The following CPEB1 variants were observed in gnomAD, a reference collection of about 807,000 sequenced individuals.
The protein encoded by CPEB1 is cytoplasmic polyadenylation element binding protein 1, also known as cytoplasmic polyadenylation element-binding protein 1.
A neutral mutation model predicts 65.8 loss-of-function variants in CPEB1; 7 were observed. The ratio of observed to expected loss-of-function variants is 0.11; its 90% CI spans 0.06 to 0.20. The LOEUF is 0.20. Ranked by LOEUF, CPEB1 falls within the 10% of genes least tolerant of loss-of-function variation. CPEB1 has a pLI of 1.00. For missense variants in CPEB1, 551 were observed against 712.2 expected (o/e 0.77, Z 2.58); for synonymous variants, 262 against 260.0 (o/e 1.01, Z -0.08).
chr15:82,644,793 A>C (rs2047368554), intron 1 of CPEB1, among the ~76,000 whole-genome samples: 1 of 152,206 alleles, frequency 6.6e-6, no homozygotes, highest in African/African-American at 2.4e-5. Flanking sequence ...CATTTTAAAG[A>C]CTAAGAATAA....
intron 3 of CPEB1, among the ~76,000 whole-genome samples, chr15:82,609,316 T>C (rs1018887120): frequency 3.3e-5 from 5 of 151,892 alleles, no homozygotes; most frequent in East Asian, 3.9e-4. Flanking sequence ...CCAGGCAACA[T>C]AGTGAGAGAC....
intron 10 of CPEB1, 32 bp downstream of exon 10, chr15:82,549,428 C>T: frequency 6.2e-7 from 1 of 1,613,600 alleles, no homozygotes; most frequent in South Asian, 1.1e-5. Context: ...AGGGGCCAAC[C>T]AAGCTTTCGC....
At chr15:82,574,634 T>C (rs1049049757) in intron 3 of CPEB1, among the ~76,000 whole-genome samples, 4 of 147,486 alleles carry the variant, frequency 2.7e-5, no homozygotes, top group South Asian at 4.2e-4. Context: ...GGCAGGAGAA[T>C]TGCTTGAGCC....
chr15:82,588,830 AAAC>A (rs1487075123), intron 3 of CPEB1, among the ~76,000 whole-genome samples: 1 of 152,208 alleles, frequency 6.6e-6, no homozygotes, highest in African/African-American at 2.4e-5. Context: ...CCTGACAGGT[AAAC>A]AATAGAACCC....
chr15:82,574,190 G>C (rs567225465), intron 3 of CPEB1, among the ~76,000 whole-genome samples: 1 of 152,170 alleles, frequency 6.6e-6, no homozygotes, highest in East Asian at 1.9e-4. Context: ...TCAATCTGTT[G>C]TTTCTTCTAG....
chr15:82,607,728 CTAGAGA>C (rs1567218066), intron 3 of CPEB1, among the ~76,000 whole-genome samples: 2 of 152,046 alleles, frequency 1.3e-5, no homozygotes, highest in Admixed American at 6.6e-5. Flanking sequence ...AAAATTGTTA[CTAGAGA>C]TAAAGGAGGA....
At chr15:82,574,751 A>AAAAAAAG (rs2040471400) in intron 3 of CPEB1, among the ~76,000 whole-genome samples, 2 of 144,594 alleles carry the variant, frequency 1.4e-5, no homozygotes, top group African/African-American at 5.1e-5. Context: ...AAAAAAAAAA[A>AAAAAAAG]TCATAAACCA....
chr15:82,588,497 TAAAGA>T (rs781022313), intron 3 of CPEB1, among the ~76,000 whole-genome samples: 83 of 152,306 alleles, frequency 5.4e-4, no homozygotes, highest in Middle Eastern at 3.4e-3. Flanking sequence ...CATATCTGTA[TAAAGA>T]AATCAGCTTC....
At chr15:82,577,477 A>C (rs2040789671) in intron 3 of CPEB1, among the ~76,000 whole-genome samples, 1 of 152,208 alleles carries the variant, frequency 6.6e-6, no homozygotes, top group Admixed American at 6.5e-5. Flanking sequence ...GGTGTGTCTA[A>C]GTGAAGGACA....
chr15:82,644,775 T>C (rs2047367439), intron 1 of CPEB1, among the ~76,000 whole-genome samples: 2 of 152,220 alleles, frequency 1.3e-5, no homozygotes, highest in South Asian at 2.1e-4. Context: ...GGGTTTGAGT[T>C]TGCAACCCAT....
At chr15:82,547,358 G>A (rs572060484) in intron 10 of CPEB1, 121 bp from the exon 11 acceptor site, 37 of 588,472 alleles carry the variant, frequency 6.3e-5, no homozygotes, top group Non-Finnish European at 4.1e-5. Context: ...GTGCAGTGGC[G>A]CAATCTCTGC....
intron 3 of CPEB1, among the ~76,000 whole-genome samples, chr15:82,578,566 C>A (rs1167792802): frequency 6.6e-6 from 1 of 152,024 alleles, no homozygotes; most frequent in Non-Finnish European, 1.5e-5. Context: ...GAGCTCGAGA[C>A]CAGACATGGC....
At chr15:82,611,311 AATT>A (rs1285300640) in intron 3 of CPEB1, among the ~76,000 whole-genome samples, 3 of 151,970 alleles carry the variant, frequency 2.0e-5, no homozygotes, top group Non-Finnish European at 2.9e-5. Context: ...CTGAAAATAA[AATT>A]AACAGTTTGA....
chr15:82,549,826 C>T (rs376292362), intron 9 of CPEB1, among the ~76,000 whole-genome samples, 168 bp from the exon 10 acceptor site: 11 of 152,288 alleles, frequency 7.2e-5, no homozygotes, highest in African/African-American at 2.6e-4. Context: ...AATAAACCAC[C>T]CTGACTCCAC....
At chr15:82,637,666 T>C (rs1013254510) in intron 1 of CPEB1, among the ~76,000 whole-genome samples, 3 of 152,180 alleles carry the variant, frequency 2.0e-5, no homozygotes, top group African/African-American at 7.2e-5. Context: ...CCTTATCAAA[T>C]CCTATGGACA....
Position 82,576,486 on chromosome 15 carries a change from T to C in CPEB1, c.272-4954A>G, listed in dbSNP as rs559088413. ...AAATATAGTATTGAATACTAGTTAATGATATGTATGGTGAAGGATTTTGGG... is the reference window on the plus strand; with the variant it reads ...AAATATAGTATTGAATACTAGTTAACGATATGTATGGTGAAGGATTTTGGG... On this transcript the variant is annotated intron_variant, in intron 3 of 12. Transcript: ENST00000684509. 3.7e-4 allele frequency among the ~76,000 whole-genome samples: 56 copies of C among 152,360 alleles called. 1 individual carries two copies. The South Asian group carries it at 9.7e-3, about 26-fold the overall frequency.
At chr15:82,562,874 G>A (rs1470164305) in intron 4 of CPEB1, among the ~76,000 whole-genome samples, 1 of 151,004 alleles carries the variant, frequency 6.6e-6, no homozygotes, top group African/African-American at 2.4e-5. Flanking sequence ...TTTAAATACA[G>A]TTCTCACACT....
intron 1 of CPEB1, among the ~76,000 whole-genome samples, chr15:82,639,973 A>G (rs2046975819): frequency 6.6e-6 from 1 of 152,146 alleles, no homozygotes; most frequent in African/African-American, 2.4e-5. Flanking sequence ...TCCCGGGAAA[A>G]GAACATTGGA....
In CPEB1 at chr15:82,626,157, C is replaced by T. The variant is rs1031675895; in HGVS notation, c.271+1036G>A. Among the ~76,000 whole-genome samples, 13 of 151,436 alleles carry T rather than the reference C, an allele frequency of 8.6e-5. No homozygotes were observed. The East Asian group carries it at 1.2e-3, about 14-fold the overall frequency. ...GAAAAACAAAATATAAAATAAAGGC[C>T]GGGTGCAGTGGCTCACACCTATAAT... On this transcript the variant is annotated intron_variant, in intron 3 of 12. Transcript: ENST00000684509.
Sources: allele counts gnomAD v4.1 joint callset (sites outside exome capture counted in the v4.1 genomes callset), GRCh38; gene constraint gnomAD v4.1.1; transcripts MANE v1.5; gene names NCBI Gene and HGNC (gene_info 2026-07-23, HGNC 2026-07-21).